Variants in HHAT observed in about 807,000 individuals in gnomAD.
HHAT encodes the protein hedgehog acyltransferase.
A neutral mutation model predicts 70.8 loss-of-function variants in HHAT; 47 were observed. The observed-to-expected ratio is 0.66, with a 90% CI of 0.53 to 0.85. The LOEUF (loss-of-function observed/expected upper bound fraction) is 0.85. Ranked by LOEUF, HHAT falls within the 40% of genes least tolerant of loss-of-function variation. HHAT has a pLI of 0.00. For synonymous variants in HHAT, 228 were observed against 247.6 expected (o/e 0.92, Z 0.74); for missense variants, 609 against 604.8 (o/e 1.01, Z -0.07).
chr1:210,517,826 AAAT>A lies in HHAT; in HGVS notation c.1043+4643_1043+4645del, dbSNP rs996642138. ...ATATATACAATTTTTGTCAGTTAAAAAATAATATTTTAAAAACGATGAATGATA... is the reference window on the plus strand; with the variant it reads ...ATATATACAATTTTTGTCAGTTAAAAAATATTTTAAAAACGATGAATGATA... On this transcript the variant is annotated intron_variant, in intron 9 of 11. Coordinates refer to ENST00000261458, the MANE Select transcript of HHAT (RefSeq NM_018194.6). Among the ~76,000 whole-genome samples the A allele has an allele frequency of 4.7e-5, 7 of 148,600 alleles. No individual in the cohort carries two copies. The East Asian group carries it at 1.3e-3, about 28-fold the overall frequency.
At chr1:210,388,504 GATAGGAA>G (rs1349580854) in intron 4 of HHAT, among the ~76,000 whole-genome samples, 1 of 152,108 alleles carries the variant, frequency 6.6e-6, no homozygotes, top group African/African-American at 2.4e-5. Context: ...CACCCTGGAA[GATAGGAA>G]ATCCCGACAG....
chr1:210,583,328 G>A (rs1382531524), intron 9 of HHAT, among the ~76,000 whole-genome samples: 1 of 152,306 alleles, frequency 6.6e-6, no homozygotes, highest in Non-Finnish European at 1.5e-5. Context: ...GCCAGGCAGA[G>A]GCAGGCTTCG....
intron 7 of HHAT, among the ~76,000 whole-genome samples, chr1:210,440,822 T>A (rs1171152433): frequency 6.7e-6 from 1 of 149,424 alleles, no homozygotes; most frequent in African/African-American, 2.6e-5. Flanking sequence ...GGTTCCCTAG[T>A]TTTTCCTGAG....
intron 3 of HHAT, among the ~76,000 whole-genome samples, chr1:210,386,949 C>T (rs1157130639): frequency 6.6e-6 from 1 of 152,146 alleles, no homozygotes. Context: ...ATTATTCTGT[C>T]TGTAAATGGC....
chr1:210,568,916 T>C (rs986823900), intron 9 of HHAT, among the ~76,000 whole-genome samples: 1 of 152,118 alleles, frequency 6.6e-6, no homozygotes, highest in African/African-American at 2.4e-5. Flanking sequence ...GAAATGGGGC[T>C]CAGTTTTGTG....
At chr1:210,577,543 C>T (rs768995964) in intron 9 of HHAT, among the ~76,000 whole-genome samples, 19 of 151,064 alleles carry the variant, frequency 1.3e-4, no homozygotes, top group African/African-American at 2.7e-4. Flanking sequence ...TTAAACATGA[C>T]GAACGATTCT....
chr1:210,425,202 A>AT (rs1005946411), intron 7 of HHAT, among the ~76,000 whole-genome samples: 4 of 151,694 alleles, frequency 2.6e-5, no homozygotes, highest in Non-Finnish European at 5.9e-5. Flanking sequence ...GAGATTGTTT[A>AT]TTTTTTTCCT....
chr1:210,403,322 C>T (rs1331967891), intron 5 of HHAT, among the ~76,000 whole-genome samples: 1 of 152,174 alleles, frequency 6.6e-6, no homozygotes, highest in Non-Finnish European at 1.5e-5. Flanking sequence ...TCATACCTAA[C>T]CTTTTGGGGA....
At chr1:210,463,431 G>A (rs1022353070) in intron 7 of HHAT, among the ~76,000 whole-genome samples, 1 of 152,072 alleles carries the variant, frequency 6.6e-6, no homozygotes, top group Non-Finnish European at 1.5e-5. Flanking sequence ...TGACTGGCTT[G>A]TTTCACTTAG....
chr1:210,410,523 A>ATTTTTTTTTTTTTTT (rs35608235), intron 6 of HHAT, among the ~76,000 whole-genome samples: 2 of 116,432 alleles, frequency 1.7e-5, no homozygotes, highest in African/African-American at 7.2e-5. Flanking sequence ...TTATTTGTAA[A>ATTTTTTTTTTTTTTT]TTTTTTTTTT....
chr1:210,413,357 C>T (rs2092621792), intron 6 of HHAT, among the ~76,000 whole-genome samples: 1 of 152,224 alleles, frequency 6.6e-6, no homozygotes. Context: ...AGCTGACTAA[C>T]CTTATCAGGT....
At chr1:210,505,059 C>T (rs971171008) in intron 8 of HHAT, among the ~76,000 whole-genome samples, 2 of 151,944 alleles carry the variant, frequency 1.3e-5, no homozygotes, top group Non-Finnish European at 2.9e-5. Flanking sequence ...CCACTACACC[C>T]GGCTAATTTT....
chr1:210,497,707 C>T (rs1363486947), intron 8 of HHAT, among the ~76,000 whole-genome samples: 1 of 151,730 alleles, frequency 6.6e-6, no homozygotes, highest in Non-Finnish European at 1.5e-5. Flanking sequence ...GCTCGCAGGT[C>T]TGTAGAGGCC....
In HHAT at chr1:210,670,332, C is replaced by T. The variant is rs191410985; in HGVS notation, c.1391-3956C>T. 1.4e-4 allele frequency among the ~76,000 whole-genome samples: 21 copies of T among 152,274 alleles called. No individual in the cohort carries two copies. The East Asian group carries it at 3.9e-3, about 28-fold the overall frequency. ...AACAAGAGAGAGTCAATGCCTAGGA[C>T]AGGGCCAGGCATATAGCAAGGGCTT... On this transcript the variant is annotated intron_variant, in intron 11 of 11. Coordinates refer to ENST00000261458, the MANE Select transcript of HHAT (RefSeq NM_018194.6).
At chr1:210,621,771 C>T (rs1415965981) in intron 10 of HHAT, among the ~76,000 whole-genome samples, 1 of 152,170 alleles carries the variant, frequency 6.6e-6, no homozygotes, top group African/African-American at 2.4e-5. Flanking sequence ...TGCCTGGTGG[C>T]CTCTAAGTAG....
chr1:210,493,784 T>A (rs74156184), intron 8 of HHAT, among the ~76,000 whole-genome samples: 1,541 of 152,294 alleles, frequency 0.01, 30 homozygotes, highest in African/African-American at 0.034. Flanking sequence ...TGAGCTGAAA[T>A]CCACCTGAAA....
At position 210,569,373 on chromosome 1, in the gene HHAT, C is replaced by CAAAAAAAAA. The variant is rs71146233; in HGVS notation, c.1044-18507_1044-18499dup. Among the ~76,000 whole-genome samples the CAAAAAAAAA allele has an allele frequency of 3.5e-3, 99 of 28,340 alleles. 32 individuals are homozygous for CAAAAAAAAA. Among genetic ancestry groups the CAAAAAAAAA allele is most frequent in the Non-Finnish European group, 4.2e-3 (67 of 15,914 alleles). The allele number at this position is 28,340 out of a possible 152,430, so 18.6% of individuals were successfully genotyped here. ...CGGGCGACAGAGCCAGAGTCTGCCT[C>CAAAAAAAAA]AAAAAAAAAAAAAAAAAAAAAAAAA... On this transcript the variant is annotated intron_variant, in intron 9 of 11. Transcript: ENST00000261458.
chr1:210,328,638 T>G (rs958480976), upstream of HHAT, among the ~76,000 whole-genome samples: 1 of 152,208 alleles, frequency 6.6e-6, no homozygotes, highest in Non-Finnish European at 1.5e-5. Flanking sequence ...ACCTCGAGTT[T>G]CAGGTGACTT....
chr1:210,646,976 A>C (rs1291177167), intron 11 of HHAT, among the ~76,000 whole-genome samples: 1 of 152,212 alleles, frequency 6.6e-6, no homozygotes, highest in African/African-American at 2.4e-5. Flanking sequence ...AAAGAGATGC[A>C]AGTAATGGAT....
Sources: allele counts gnomAD v4.1 joint callset (sites outside exome capture counted in the v4.1 genomes callset), GRCh38; gene constraint gnomAD v4.1.1; transcripts MANE v1.5; gene names NCBI Gene and HGNC (gene_info 2026-07-23, HGNC 2026-07-21).